EPG5: variants seen among roughly 807,000 people sequenced by gnomAD.
The protein encoded by EPG5 is ectopic P granules protein 5 homolog.
Under a neutral mutation model 302.7 loss-of-function variants are expected in EPG5, and 159 were observed. The ratio of observed to expected loss-of-function variants is 0.53; its 90% CI spans 0.46 to 0.60. The LOEUF is 0.60. Among genes scored for constraint, EPG5 ranks in the 20% least tolerant of loss-of-function variants. The pLI is 0.00. For synonymous variants in EPG5, 1,158 were observed against 1,136.8 expected (o/e 1.02, Z -0.37); for missense variants, 2,896 against 3,092.4 (o/e 0.94, Z 1.51).
chr18:45,937,735 T>G (rs2050570991), intron 10 of EPG5, among the ~76,000 whole-genome samples: 1 of 152,138 alleles, frequency 6.6e-6, no homozygotes, highest in South Asian at 2.1e-4. Context: ...GTCTGTCTTT[T>G]AGTATAGTTC....
Position 45,913,702 on chromosome 18 carries a change from G to T in EPG5, c.3816+4C>A, listed in dbSNP as rs1348269939. 3 of 1,613,846 alleles carry T rather than the reference G, an allele frequency of 1.9e-6. No individual in the cohort carries two copies. The highest frequency in any genetic ancestry group is 3.3e-5 in the Admixed American group (2 of 59,990). ...CCACTCAAATGCAGAACTGCTATTT[G>T]TACCTTCAGAGCTTGGTCAGGGGTG... On this transcript the variant is annotated splice_donor_region_variant and intron_variant, in intron 21 of 43. Transcript: ENST00000282041.
chr18:45,811,944 G>C, the EPG5 span, among the ~76,000 whole-genome samples: 6 of 152,058 alleles, frequency 3.9e-5, no homozygotes, highest in African/African-American at 1.2e-4. Flanking sequence ...AAGAAATAAA[G>C]GGTATTCAAT....
chr18:45,887,197 G>T (rs537006463), intron 29 of EPG5, among the ~76,000 whole-genome samples: 7 of 152,054 alleles, frequency 4.6e-5, no homozygotes, highest in Non-Finnish European at 1.0e-4. Context: ...ATCTATCTAT[G>T]TCACTGTAAG....
At chr18:45,925,198 C>T (rs796181616) in intron 14 of EPG5, among the ~76,000 whole-genome samples, 7 of 152,272 alleles carry the variant, frequency 4.6e-5, no homozygotes, top group East Asian at 1.9e-4. Context: ...CAGCCAGGCA[C>T]GGTGGCTCAT....
At chr18:45,951,534 C>T (rs1186755455) in intron 3 of EPG5, among the ~76,000 whole-genome samples, 1 of 151,802 alleles carries the variant, frequency 6.6e-6, no homozygotes, top group African/African-American at 2.4e-5. Flanking sequence ...TCTTGACTCA[C>T]TGCAACCTCC....
chr18:45,827,090 AT>A, the EPG5 span, among the ~76,000 whole-genome samples: 4 of 152,200 alleles, frequency 2.6e-5, no homozygotes, highest in African/African-American at 4.8e-5. Flanking sequence ...AATTTTTTAA[AT>A]TTTTAGTAGA....
chr18:45,914,211 A>G (rs1055494517), intron 20 of EPG5, among the ~76,000 whole-genome samples: 23 of 152,222 alleles, frequency 1.5e-4, no homozygotes, highest in African/African-American at 5.3e-4. Flanking sequence ...TGTGAAGTTG[A>G]GCAGTGACGA....
intron 5 of EPG5, 79 bp downstream of exon 5, chr18:45,949,405 T>A (rs889971079): frequency 1.3e-6 from 1 of 768,628 alleles, no homozygotes; most frequent in Non-Finnish European, 2.1e-6. Context: ...GTCCTTTTTT[T>A]TTCAGCAATT....
chr18:45,916,564 G>A lies in EPG5; in HGVS notation c.3258C>T (p.Leu1086=), dbSNP rs1482148787. 1.9e-6 allele frequency: 3 copies of A among 1,600,556 alleles called. No individual in the cohort carries two copies. The Admixed American group carries it at 5.0e-5, about 27-fold the overall frequency. Residue 1086 remains leucine, a synonymous_variant, in exon 18 of 44, where the codon CTC becomes CTT. Coordinates refer to ENST00000282041, the MANE Select transcript of EPG5 (RefSeq NM_020964.3). ...CACCGCTGTCCAAGTGTAGGAACAA[G>A]AGGAGATGCGATAAAAACCTGCCAA... ...LKNEQFLSHL[L]LFLHLDSGVP...
intron 23 of EPG5, among the ~76,000 whole-genome samples, chr18:45,909,899 T>G (rs948744020): frequency 2.0e-5 from 3 of 152,188 alleles, no homozygotes; most frequent in Non-Finnish European, 2.9e-5. Flanking sequence ...TGCACTATGA[T>G]CGTCTCACTA....
At chr18:45,960,342 A>C (rs574418322) in intron 1 of EPG5, among the ~76,000 whole-genome samples, 1 of 152,320 alleles carries the variant, frequency 6.6e-6, no homozygotes, top group Non-Finnish European at 1.5e-5. Flanking sequence ...AGGCACAATC[A>C]CAGCATACTG....
At chr18:45,807,772 A>T in the EPG5 span, among the ~76,000 whole-genome samples, 2 of 152,234 alleles carry the variant, frequency 1.3e-5, no homozygotes. Flanking sequence ...GAACCTACCC[A>T]AATGAGAAGG....
Position 45,912,317 on chromosome 18 carries a change from T to C in EPG5, c.3956A>G (p.Tyr1319Cys), listed in dbSNP as rs761644148. ...PLIWQKFFLL[Y>C]LHRPGPQYGL... ...ATACTGTGGTCCCGGACGGTGAAGATACAGAAGGAAGAACTTCTGCCAAAT... is the reference window on the plus strand; with the variant it reads ...ATACTGTGGTCCCGGACGGTGAAGACACAGAAGGAAGAACTTCTGCCAAAT... The change falls in exon 22 of 44, where the codon TAT becomes TGT. Residue 1319 changes from tyrosine (Y) to cysteine (C), a missense_variant. Coordinates refer to ENST00000282041, the MANE Select transcript of EPG5 (RefSeq NM_020964.3). The C allele has an allele frequency of 6.2e-7, 1 of 1,605,534 alleles. No homozygotes were observed. Among genetic ancestry groups the C allele is most frequent in the South Asian group, 1.1e-5 (1 of 90,180 alleles).
chr18:45,899,124 C>A (rs1346500667), intron 27 of EPG5, among the ~76,000 whole-genome samples: 2 of 151,950 alleles, frequency 1.3e-5, no homozygotes, highest in African/African-American at 4.8e-5. Context: ...AAAAAACAAA[C>A]AAACAAAAAA....
chr18:45,958,516 T>TA (rs2051079394), intron 1 of EPG5, among the ~76,000 whole-genome samples: 3 of 152,126 alleles, frequency 2.0e-5, no homozygotes, highest in Admixed American at 2.0e-4. Flanking sequence ...AAATAAAACC[T>TA]TACATATATG....
intron 16 of EPG5, among the ~76,000 whole-genome samples, chr18:45,918,622 T>C (rs986711055): frequency 5.9e-5 from 9 of 152,236 alleles, no homozygotes; most frequent in African/African-American, 2.2e-4. Context: ...TTTTTAACTC[T>C]AAAACTGAGA....
chr18:45,853,957 T>C (rs1416378775), intron 43 of EPG5, among the ~76,000 whole-genome samples: 1 of 152,214 alleles, frequency 6.6e-6, no homozygotes, highest in Non-Finnish European at 1.5e-5. Flanking sequence ...TCTTCAAATC[T>C]GAAAATCCTG....
At chr18:45,899,078 T>G (rs1337114656) in intron 27 of EPG5, among the ~76,000 whole-genome samples, 1 of 152,048 alleles carries the variant, frequency 6.6e-6, no homozygotes, top group Admixed American at 6.6e-5. Flanking sequence ...TGAGCCAAGA[T>G]CGCGCCACTG....
intron 23 of EPG5, among the ~76,000 whole-genome samples, chr18:45,908,471 A>G (rs1377982683): frequency 6.6e-6 from 1 of 152,212 alleles, no homozygotes; most frequent in Non-Finnish European, 1.5e-5. Flanking sequence ...AAGCAAAAAT[A>G]ATACATTCAA....
Sources: allele counts gnomAD v4.1 joint callset (sites outside exome capture counted in the v4.1 genomes callset), GRCh38; gene constraint gnomAD v4.1.1; transcripts MANE v1.5; gene names NCBI Gene and HGNC (gene_info 2026-07-23, HGNC 2026-07-21).